Variants in CILK1 observed in about 807,000 individuals in gnomAD.
CILK1 encodes the protein ciliogenesis associated kinase 1.
In CILK1, 47 loss-of-function variants were observed where a neutral mutation model predicts 79.2. The ratio of observed to expected loss-of-function variants is 0.59; its 90% confidence interval spans 0.47 to 0.76. The LOEUF is 0.76. CILK1 is among the 30% of genes least tolerant of loss of function. The pLI is 0.00. For synonymous variants in CILK1, 266 were observed against 275.9 expected (o/e 0.96, Z 0.36); for missense variants, 660 against 769.5 (o/e 0.86, Z 1.68).
chr6:53,030,298 C>T (rs1335315423), intron 5 of CILK1, among the ~76,000 whole-genome samples: 4 of 152,170 alleles, frequency 2.6e-5, no homozygotes, highest in Non-Finnish European at 4.4e-5. Flanking sequence ...CCCTCTAAAA[C>T]CCATCACTGT....
intron 1 of CILK1, among the ~76,000 whole-genome samples, chr6:53,050,691 G>A (rs975889910): frequency 9.9e-5 from 15 of 151,690 alleles, no homozygotes; most frequent in Non-Finnish European, 2.1e-4. Context: ...GGGCTTGGTG[G>A]TGCATTCCTG....
rs150600768 is a variant in CILK1 at position 53,012,134 on chromosome 6, C to A, written c.1246G>T (p.Asp416Tyr). 16 of 1,614,094 alleles carry A rather than the reference C, an allele frequency of 9.9e-6. No homozygotes were observed. In the African/African-American group the frequency reaches 2.0e-4, roughly 20 times the overall value. Residue 416 changes from aspartate to tyrosine, a missense_variant, in exon 10 of 14, where the codon GAT becomes TAT. Transcript: ENST00000676107. ...AAGTCATCCAAGTCAGCCCAATCAT[C>A]TGAATCCTTTGTTGACCTGGAAATA... ...GLISRSTKDSDDWADLDDLDF... is the reference protein window; with the variant it reads ...GLISRSTKDSYDWADLDDLDF...
intron 5 of CILK1, among the ~76,000 whole-genome samples, chr6:53,024,545 G>T (rs972670077): frequency 6.6e-6 from 1 of 152,196 alleles, no homozygotes; most frequent in Admixed American, 6.5e-5. Context: ...GCTTAAGAAT[G>T]TGTAAGGATA....
At chr6:53,041,604 G>A (rs998808126) in intron 1 of CILK1, among the ~76,000 whole-genome samples, 196 bp from the exon 2 acceptor site, 1 of 152,174 alleles carries the variant, frequency 6.6e-6, no homozygotes, top group Non-Finnish European at 1.5e-5. Context: ...AGCAGGTTTT[G>A]GAATAATGTT....
Position 53,027,835 on chromosome 6 carries a change from A to G in CILK1, c.358+3230T>C, listed in dbSNP as rs867233310. Among the ~76,000 whole-genome samples, 12 of 152,238 alleles carry G rather than the reference A, an allele frequency of 7.9e-5. 1 individual carries two copies. In the South Asian group the frequency reaches 2.3e-3, roughly 29 times the overall value. ...GGCTGGCCAACATGGTGAAAACCCC[A>G]TCTCTACTAAAAACACAAAAATTAG... On this transcript the variant is annotated intron_variant, in intron 5 of 13. Coordinates refer to ENST00000676107, the MANE Select transcript of CILK1 (RefSeq NM_014920.5).
intron 1 of CILK1, chr6:53,051,928 CTCTTT>C (rs1169161069): frequency 1.3e-5 from 2 of 152,182 alleles, no homozygotes; most frequent in Non-Finnish European, 2.9e-5. Flanking sequence ...ATGTACTTAT[CTCTTT>C]TATTTTACTT....
chr6:53,037,833 A>G, intron 3 of CILK1, 106 bp downstream of exon 3: 1 of 709,982 alleles, frequency 1.4e-6, no homozygotes, highest in Non-Finnish European at 2.5e-6. Context: ...CCTTTCCAGC[A>G]TTAGTGAAAA....
chr6:53,030,774 T>C (rs1275337466), intron 5 of CILK1, among the ~76,000 whole-genome samples: 2 of 152,224 alleles, frequency 1.3e-5, no homozygotes, highest in Non-Finnish European at 2.9e-5. Context: ...ATTCTAATTG[T>C]AGGTTTCTCA....
chr6:53,060,426 T>TAGAC (rs1346273790), intron 1 of CILK1, among the ~76,000 whole-genome samples: 11 of 152,160 alleles, frequency 7.2e-5, no homozygotes, highest in Non-Finnish European at 1.6e-4. Context: ...GCCACCAGTT[T>TAGAC]TGACTTTGGA....
At position 53,032,612 on chromosome 6, in the gene CILK1, C is replaced by A; in HGVS notation, c.199G>T (p.Glu67Ter). ...AGATGATCATTTTCCCTGATAACTT[C>A]TTTTAATTTGACTACATTGGCATGG... is the stretch of plus-strand genomic sequence containing the variant. ...LNHANVVKLK[E>*]VIRENDHLYF... Residue 67 changes from glutamate (E) to a stop codon, truncating the protein, a stop_gained, in exon 4 of 14, where the codon GAA becomes TAA. Transcript: ENST00000676107. LOFTEE classifies it high-confidence loss of function. 6.2e-7 allele frequency: 1 copy of A among 1,606,868 alleles called. No individual in the cohort carries two copies. Among genetic ancestry groups the A allele is most frequent in the Non-Finnish European group, 8.5e-7 (1 of 1,174,928 alleles).
At chr6:53,059,475 A>T (rs1186753640) in intron 1 of CILK1, among the ~76,000 whole-genome samples, 2 of 152,206 alleles carry the variant, frequency 1.3e-5, no homozygotes, top group Non-Finnish European at 2.9e-5. Context: ...AAATAGAAAG[A>T]GGAAATATTA....
intron 1 of CILK1, among the ~76,000 whole-genome samples, chr6:53,048,280 G>A (rs1767243208): frequency 6.6e-6 from 1 of 152,236 alleles, no homozygotes; most frequent in Admixed American, 6.5e-5. Context: ...AAGCAAAGGA[G>A]ACTTGGAAAG....
rs1764138108 is a variant in CILK1, at chr6:53,005,088, G to T, written c.*61C>A. 1.3e-6 allele frequency: 2 copies of T among 1,592,854 alleles called. No individual in the cohort carries two copies. The highest frequency in any genetic ancestry group is 4.5e-5 in the East Asian group (2 of 44,784). ...TGCACATCTTGCAGGTAGAACACCA[G>T]TCAGCTGAGGGAAAGTATCCTGCTT... On this transcript the variant is annotated 3_prime_UTR_variant, in exon 14 of 14. Coordinates refer to ENST00000676107, the MANE Select transcript of CILK1 (RefSeq NM_014920.5).
intron 5 of CILK1, among the ~76,000 whole-genome samples, chr6:53,020,780 C>A (rs1165874196): frequency 1.3e-5 from 2 of 152,178 alleles, no homozygotes; most frequent in East Asian, 3.8e-4. Context: ...CCTTGACAAC[C>A]TGTATGTTGA....
At chr6:53,031,743 C>T (rs1405942447) in intron 4 of CILK1, among the ~76,000 whole-genome samples, 3 of 152,310 alleles carry the variant, frequency 2.0e-5, no homozygotes, top group Admixed American at 6.5e-5. Context: ...GAAGCTGTGT[C>T]CACCCTTGAC....
intron 4 of CILK1, among the ~76,000 whole-genome samples, 197 bp downstream of exon 4, chr6:53,032,336 A>T (rs902321005): frequency 1.3e-5 from 2 of 152,100 alleles, no homozygotes; most frequent in Admixed American, 6.5e-5. Context: ...CCAGCATGGC[A>T]CATGTATACA....
rs200026789 is a variant in CILK1, at chr6:53,021,343, T to TGG, written c.359-1986_359-1985dup. On this transcript the variant is annotated intron_variant, in intron 5 of 13. Transcript: ENST00000676107. The stretch of plus-strand genomic sequence containing the variant: ...TCGTTTTGGAGCGGCGCGGGGGGGT[T>TGG]GGGGGGGTAAATCTCATATCTGTCT... 2.8e-3 allele frequency among the ~76,000 whole-genome samples: 217 copies of TGG among 77,082 alleles called. 1 individual carries two copies. The highest frequency in any genetic ancestry group is 9.1e-3 in the African/African-American group (196 of 21,502). 50.6% of individuals were successfully genotyped at this position (77,082 alleles called of 152,430 possible). A position where few individuals can be genotyped will look rare whatever the true frequency, so the allele number is the denominator to read the frequency against.
intron 1 of CILK1, among the ~76,000 whole-genome samples, chr6:53,042,812 G>C (rs758883907): frequency 6.6e-6 from 1 of 152,136 alleles, no homozygotes; most frequent in Non-Finnish European, 1.5e-5. Flanking sequence ...CAGGACCCTG[G>C]AATAGAAAAG....
chr6:53,008,186 G>A (rs1764346863), intron 12 of CILK1, among the ~76,000 whole-genome samples: 1 of 151,042 alleles, frequency 6.6e-6, no homozygotes, highest in Admixed American at 6.6e-5. Flanking sequence ...GATATATATT[G>A]TATATGTTAT....
Sources: allele counts gnomAD v4.1 joint callset (sites outside exome capture counted in the v4.1 genomes callset), GRCh38; gene constraint gnomAD v4.1.1; transcripts MANE v1.5; gene names NCBI Gene and HGNC (gene_info 2026-07-23, HGNC 2026-07-21).